Variants in SLC3A2 observed in about 807,000 individuals in gnomAD.
The protein encoded by SLC3A2 is solute carrier family 3 member 2, also known as amino acid transporter heavy chain SLC3A2.
A neutral mutation model predicts 48.5 loss-of-function variants in SLC3A2; 32 were observed. That is an observed-to-expected ratio of 0.66 (90% confidence interval 0.50 to 0.89). The LOEUF (loss-of-function observed/expected upper bound fraction) is 0.89, where lower values mean the gene tolerates loss of function less well. SLC3A2 is among the 40% of genes least tolerant of loss of function. The pLI, the probability that SLC3A2 is intolerant of heterozygous loss-of-function variation, is 0.00. For missense variants in SLC3A2, 587 were observed against 680.7 expected, an observed-to-expected ratio of 0.86 and a Z score of 1.53; for synonymous variants, 277 against 288.8, an observed-to-expected ratio of 0.96 and a Z score of 0.41.
chr11:62,871,601 A>G, intron 1 of SLC3A2: 1 of 656,640 alleles, frequency 1.5e-6, no homozygotes. Context: ...TGTGTTACCC[A>G]GGCTGGTCTT....
chr11:62,871,177 C>T (rs538986963), intron 1 of SLC3A2, among the ~76,000 whole-genome samples: 8 of 150,872 alleles, frequency 5.3e-5, no homozygotes, highest in Admixed American at 2.0e-4. Flanking sequence ...CCATTGCGCC[C>T]GGCCTGATTA....
intron 1 of SLC3A2, among the ~76,000 whole-genome samples, chr11:62,867,322 C>CTTTTTTTTTTTTTTTTTTTTTTTTT (rs56758000): frequency 1.5e-5 from 1 of 67,642 alleles, no homozygotes; most frequent in African/African-American, 5.1e-5. Context: ...CTTTTCTTTT[C>CTTTTTTTTTTTTTTTTTTTTTTTTT]TTTTTTTTTT....
intron 1 of SLC3A2, among the ~76,000 whole-genome samples, chr11:62,871,973 C>T (rs771975426): frequency 3.9e-5 from 6 of 152,028 alleles, no homozygotes; most frequent in Admixed American, 3.3e-4. Context: ...AGTGCGGTGG[C>T]GTGATCACAG....
chr11:62,865,561 CA>C (rs35320203), intron 1 of SLC3A2, among the ~76,000 whole-genome samples: 3,260 of 86,834 alleles, frequency 0.038, 36 homozygotes, highest in Middle Eastern at 0.071. Flanking sequence ...GTCTCCCCCA[CA>C]AAAAAAAAAA....
intron 3 of SLC3A2, chr11:62,884,213 G>A (rs528983097): frequency 6.7e-6 from 4 of 594,176 alleles, no homozygotes; most frequent in South Asian, 2.0e-5. Flanking sequence ...GAAGCTGTGT[G>A]ATTTGCCAGA....
At chr11:62,884,979 G>T (rs2085690486) in intron 5 of SLC3A2, among the ~76,000 whole-genome samples, 198 bp from the exon 6 acceptor site, 1 of 151,460 alleles carries the variant, frequency 6.6e-6, no homozygotes, top group Admixed American at 6.6e-5. Flanking sequence ...TTACAGACGC[G>T]GGCCACCACA....
intron 2 of SLC3A2, chr11:62,882,565 G>A: frequency 3.4e-6 from 1 of 293,502 alleles, no homozygotes; most frequent in African/African-American, 2.2e-5. Context: ...GCTTACTGCA[G>A]CCTCCTCCCC....
upstream of SLC3A2, among the ~76,000 whole-genome samples, chr11:62,879,861 C>G (rs529665039): frequency 6.6e-6 from 1 of 152,308 alleles, no homozygotes; most frequent in South Asian, 2.1e-4. Context: ...CCACTTCAAT[C>G]CAAGGACCCT....
chr11:62,864,280 A>G (rs535961879), intron 1 of SLC3A2, among the ~76,000 whole-genome samples: 1 of 151,660 alleles, frequency 6.6e-6, no homozygotes, highest in Admixed American at 6.6e-5. Flanking sequence ...TTCAACTCCT[A>G]AGTATATCAA....
intron 1 of SLC3A2, among the ~76,000 whole-genome samples, chr11:62,863,749 G>A (rs2085424997): frequency 1.3e-5 from 2 of 152,154 alleles, no homozygotes; most frequent in South Asian, 4.1e-4. Flanking sequence ...ATTCATAATG[G>A]GGCAGTTCTG....
chr11:62,860,223 C>T (rs1339101824), intron 1 of SLC3A2, among the ~76,000 whole-genome samples: 4 of 151,822 alleles, frequency 2.6e-5, no homozygotes, highest in African/African-American at 7.3e-5. Context: ...CAGTATTGGC[C>T]GGGCGCGGTG....
intron 5 of SLC3A2, 57 bp from the exon 6 acceptor site, chr11:62,885,120 T>C: frequency 6.3e-7 from 1 of 1,583,156 alleles, no homozygotes. Context: ...CGTGAGCCAC[T>C]GCGCCTGGCC....
At chr11:62,871,097 T>C (rs2085511083) in intron 1 of SLC3A2, among the ~76,000 whole-genome samples, 1 of 151,298 alleles carries the variant, frequency 6.6e-6, no homozygotes, top group South Asian at 2.1e-4. Context: ...TTGGCCAGGC[T>C]GGTCTTAAAC....
upstream of SLC3A2, among the ~76,000 whole-genome samples, chr11:62,879,314 C>A (rs2085604372): frequency 6.6e-6 from 1 of 151,998 alleles, no homozygotes; most frequent in South Asian, 2.1e-4. Flanking sequence ...ACTATGTTGC[C>A]CCGTCTGGTC....
intron 1 of SLC3A2, among the ~76,000 whole-genome samples, chr11:62,874,977 G>A (rs1271290650): frequency 6.6e-6 from 1 of 152,000 alleles, no homozygotes; most frequent in Non-Finnish European, 1.5e-5. Flanking sequence ...TGGCCAAGCT[G>A]GTCTCGAATT....
chr11:62,857,934 T>C (rs898198284), intron 1 of SLC3A2, among the ~76,000 whole-genome samples: 2 of 151,928 alleles, frequency 1.3e-5, no homozygotes, highest in South Asian at 4.2e-4. Flanking sequence ...CTACAATTCA[T>C]GAAAGATGGG....
chr11:62,858,908 G>T (rs555797566), intron 1 of SLC3A2, among the ~76,000 whole-genome samples: 1 of 152,280 alleles, frequency 6.6e-6, no homozygotes, highest in African/African-American at 2.4e-5. Context: ...GCCCTAAGGC[G>T]GTTTTTCCCT....
chr11:62,888,287 G>C (rs776070454), intron 8 of SLC3A2, 44 bp from the exon 9 acceptor site: 2 of 1,609,902 alleles, frequency 1.2e-6, no homozygotes, highest in Non-Finnish European at 1.7e-6. Flanking sequence ...TCTGTACCCA[G>C]GGGAGCCCCT....
At chr11:62,878,601 G>A (rs2085593890), upstream of SLC3A2, among the ~76,000 whole-genome samples, 1 of 150,212 alleles carries the variant, frequency 6.7e-6, no homozygotes, top group Non-Finnish European at 1.5e-5. Context: ...AAGTAGCTGG[G>A]ACTACAGGCA....
Sources: gnomAD v4.1 joint callset for allele counts (sites outside exome capture counted in the v4.1 genomes callset) on GRCh38, gnomAD v4.1.1 for gene constraint, MANE v1.5 for transcripts, NCBI Gene and HGNC (gene_info 2026-07-23, HGNC 2026-07-21) for gene names.